Variants in RIPOR2 observed in about 807,000 individuals in gnomAD.
The protein encoded by RIPOR2 is RHO family interacting cell polarization regulator 2.
Under a neutral mutation model 114.5 loss-of-function variants are expected in RIPOR2, and 39 were observed. The observed-to-expected ratio is 0.34, with a 90% confidence interval of 0.26 to 0.44. The LOEUF is 0.44. RIPOR2 is among the 20% of genes least tolerant of loss of function. RIPOR2 has a pLI of 1.00. For missense variants in RIPOR2, 1,007 were observed against 1,255.1 expected (o/e 0.80, Z 2.99); for synonymous variants, 445 against 484.4 (o/e 0.92, Z 1.07).
rs1027338615 is a variant in RIPOR2, at chr6:24,847,789, G to T, written c.1164+236C>A. The T allele has an allele frequency of 3.1e-6, 4 of 1,293,980 alleles. No homozygotes were observed. In the South Asian group the frequency reaches 5.9e-5, roughly 19 times the overall value. 80.2% of individuals were successfully genotyped at this position (1,293,980 alleles called of 1,614,324 possible). ...AAGCATTTTTGATTAAAACAAGGAGGCTATTATTTATATGCACTTCTTTAA... is the reference window on the plus strand; with the variant it reads ...AAGCATTTTTGATTAAAACAAGGAGTCTATTATTTATATGCACTTCTTTAA... On this transcript the variant is annotated intron_variant, in intron 12 of 21. Coordinates refer to ENST00000643898, the MANE Select transcript of RIPOR2 (RefSeq NM_001286445.3).
intron 13 of RIPOR2, chr6:24,840,616 A>C: frequency 6.6e-7 from 1 of 1,521,106 alleles, no homozygotes; most frequent in Middle Eastern, 2.3e-4. Flanking sequence ...CAAGGTAGGA[A>C]GGGCCTTGCA....
Position 24,808,520 on chromosome 6 carries a change from C to T in RIPOR2, c.3043+1197G>A, listed in dbSNP as rs141499672. Among the ~76,000 whole-genome samples, 382 of 152,090 alleles carry T rather than the reference C, an allele frequency of 2.5e-3. 3 individuals carry two copies. Among genetic ancestry groups the T allele is most frequent in the African/African-American group, 7.8e-3 (322 of 41,494 alleles). Reference sequence around the variant, plus strand: ...TCATATATTCAATAGCAGAATGAAGCCTTGTTAAACCCATAATTGTAAGAA... The same window carrying T: ...TCATATATTCAATAGCAGAATGAAGTCTTGTTAAACCCATAATTGTAAGAA... On this transcript the variant is annotated intron_variant, in intron 21 of 21. Transcript: ENST00000643898.
At chr6:24,894,129 A>G (rs1765842571) in intron 1 of RIPOR2, among the ~76,000 whole-genome samples, 1 of 152,222 alleles carries the variant, frequency 6.6e-6, no homozygotes. Flanking sequence ...CCTGGTGGCT[A>G]CACAGCTGTT....
intron 10 of RIPOR2, 148 bp from the exon 11 acceptor site, chr6:24,850,098 T>A: frequency 1.2e-5 from 1 of 80,420 alleles, no homozygotes; most frequent in Non-Finnish European, 1.9e-5. Context: ...TTTCTTTTTC[T>A]TTTTTTTTTT....
At chr6:24,945,725 C>T (rs189920323) in intron 1 of RIPOR2, among the ~76,000 whole-genome samples, 6 of 151,912 alleles carry the variant, frequency 3.9e-5, no homozygotes, top group Non-Finnish European at 5.9e-5. Flanking sequence ...ATCCCCAAGG[C>T]GATCACTAAG....
intron 19 of RIPOR2, among the ~76,000 whole-genome samples, chr6:24,821,427 G>T (rs1007883999): frequency 2.0e-5 from 3 of 151,964 alleles, no homozygotes; most frequent in Admixed American, 1.3e-4. Context: ...CAGGTGATGC[G>T]CCCGCCTCGG....
intron 8 of RIPOR2, among the ~76,000 whole-genome samples, chr6:24,859,210 G>A (rs1291683477): frequency 6.6e-6 from 1 of 152,140 alleles, no homozygotes; most frequent in Non-Finnish European, 1.5e-5. Context: ...AGATGCACTT[G>A]ATAATACTGA....
chr6:24,927,252 CACCACCACCACCACAGCTACA>C (rs1418863162), intron 1 of RIPOR2, among the ~76,000 whole-genome samples: 2 of 151,876 alleles, frequency 1.3e-5, no homozygotes, highest in East Asian at 1.9e-4. Flanking sequence ...CAATCACCAC[CACCACCACCACCACAGCTACA>C]ATCACCACCA....
rs62401113 is a variant in RIPOR2 at position 24,975,038 on chromosome 6, A to T, written c.76+66813T>A. Among the ~76,000 whole-genome samples the T allele has an allele frequency of 1.6e-3, 245 of 152,278 alleles. 1 individual carries two copies. Among genetic ancestry groups the T allele is most frequent in the Non-Finnish European group, 2.8e-3 (190 of 68,048 alleles). On this transcript the variant is annotated intron_variant, in intron 1 of 13. Coordinates refer to the RIPOR2 transcript ENST00000510784. ...GCTAATGGGTATGGGGTTTCTTTTA[A>T]TGGTAATAAAAATATTCTAAAATTG...
intron 1 of RIPOR2, among the ~76,000 whole-genome samples, chr6:24,912,931 A>C (rs1769782524): frequency 6.6e-6 from 1 of 152,220 alleles, no homozygotes; most frequent in African/African-American, 2.4e-5. Context: ...TCTCTTTCCC[A>C]TAGCTGCCTC....
intron 13 of RIPOR2, chr6:24,840,157 A>G (rs1761549362): frequency 5.9e-6 from 5 of 850,432 alleles, no homozygotes; most frequent in Middle Eastern, 5.9e-4. Context: ...CCCTATGTTG[A>G]CCATACCGGT....
chr6:24,922,858 C>CAAAAA (rs869160864), intron 1 of RIPOR2, among the ~76,000 whole-genome samples: 1 of 78,652 alleles, frequency 1.3e-5, no homozygotes, highest in African/African-American at 4.0e-5. Context: ...AGGACAGTCT[C>CAAAAA]AAAAAAAAAA....
At chr6:24,903,190 T>TAGC (rs1768642765) in intron 1 of RIPOR2, among the ~76,000 whole-genome samples, 1 of 152,212 alleles carries the variant, frequency 6.6e-6, no homozygotes, top group Non-Finnish European at 1.5e-5. Flanking sequence ...GGCTTCCTCC[T>TAGC]AGCATGGTAG....
At chr6:24,976,146 A>G (rs1325559770) in intron 1 of RIPOR2, among the ~76,000 whole-genome samples, 1 of 152,228 alleles carries the variant, frequency 6.6e-6, no homozygotes, top group Non-Finnish European at 1.5e-5. Context: ...TTTTGGTGGA[A>G]TAATTTTATA....
chr6:24,837,932 G>A (rs1262211218), intron 14 of RIPOR2, among the ~76,000 whole-genome samples: 8 of 152,124 alleles, frequency 5.3e-5, no homozygotes, highest in African/African-American at 1.4e-4. Context: ...ACCCATTTAC[G>A]TCATATTGTG....
chr6:24,988,848 T>C (rs1440107705), intron 1 of RIPOR2, among the ~76,000 whole-genome samples: 1 of 152,220 alleles, frequency 6.6e-6, no homozygotes, highest in Non-Finnish European at 1.5e-5. Context: ...CTATGGCTGC[T>C]TTCACACTAC....
At chr6:24,830,908 G>A (rs1760625080) in intron 16 of RIPOR2, among the ~76,000 whole-genome samples, 1 of 151,930 alleles carries the variant, frequency 6.6e-6, no homozygotes, top group Non-Finnish European at 1.5e-5. Flanking sequence ...TAGAGATGAG[G>A]TATTACCATG....
At chr6:24,929,465 A>T (rs1432271266) in intron 1 of RIPOR2, 1 of 152,224 alleles carries the variant, frequency 6.6e-6, no homozygotes, top group Non-Finnish European at 1.5e-5. Context: ...ATGAGGAAGT[A>T]CAAGAGAGTT....
chr6:24,874,411 A>G (rs1326359682), intron 2 of RIPOR2, among the ~76,000 whole-genome samples: 3 of 152,190 alleles, frequency 2.0e-5, no homozygotes, highest in Non-Finnish European at 4.4e-5. Context: ...GTGCCTGACC[A>G]AGAAATGTCT....
Sources: gnomAD v4.1 joint callset for allele counts (sites outside exome capture counted in the v4.1 genomes callset) on GRCh38, gnomAD v4.1.1 for gene constraint, MANE v1.5 for transcripts, NCBI Gene and HGNC (gene_info 2026-07-23, HGNC 2026-07-21) for gene names.